The following GSDME variants were observed in gnomAD, a reference collection of about 807,000 sequenced individuals.
GSDME encodes gasdermin-E.
GSDME carries 44 observed loss-of-function variants against 47.5 expected under a neutral mutation model. The observed-to-expected ratio is 0.93, with a 90% CI of 0.73 to 1.19. The LOEUF (loss-of-function observed/expected upper bound fraction) is 1.19. GSDME is among the 50% of genes most tolerant of loss of function. The pLI is 0.00. For synonymous variants in GSDME, 258 were observed against 252.8 expected (o/e 1.02, Z -0.20); for missense variants, 663 against 604.2 (o/e 1.10, Z -1.02).
chr7:24,791,785 C>A, the GSDME span, among the ~76,000 whole-genome samples: 1 of 152,218 alleles, frequency 6.6e-6, no homozygotes, highest in Non-Finnish European at 1.5e-5. The surrounding 1 kb of genome is among the most constrained non-coding windows in gnomAD (Gnocchi z 4.8). Context: ...CGGGGATGAA[C>A]AAGGGCTGAC....
intron 7 of GSDME, 68 bp downstream of exon 7, chr7:24,708,059 A>AT: frequency 6.3e-7 from 1 of 1,598,234 alleles, no homozygotes; most frequent in Non-Finnish European, 8.6e-7. Context: ...ACACAATTCC[A>AT]TCCTGCCTCC....
Position 24,744,655 on chromosome 7 carries a change from C to T in GSDME, c.311G>A (p.Gly104Glu). ...TALGKVKLNL[G>E]GSSRVESQSS... The stretch of plus-strand genomic sequence containing the variant: ...CTGGCTCTCTACGCGGCTGCTGCCC[C>T]CCAGGTTCAGCTTGACCTTCCCCAG... The change falls in exon 3 of 10, where the codon GGG becomes GAG. Residue 104 changes from glycine (G) to glutamate (E), a missense_variant. Physicochemically the swap from Gly to Glu is moderately conservative, Grantham distance 98. Transcript: ENST00000645220. The surrounding 1 kb of genome is among the most constrained non-coding windows in gnomAD (Gnocchi z 4.5). 3 of 1,614,206 alleles carry T rather than the reference C, an allele frequency of 1.9e-6. No homozygotes were observed. Among genetic ancestry groups the T allele is most frequent in the Non-Finnish European group, 2.5e-6 (3 of 1,180,048 alleles).
In GSDME at chr7:24,724,479, C is replaced by A. The variant is rs192434166; in HGVS notation, c.405-5261G>T. The stretch of plus-strand genomic sequence containing the variant: ...AGGGCAGGCTCCTTGTTCTTCCTGG[C>A]GGGGGCGGCAACGTGAAAGCAAGAA... On this transcript the variant is annotated intron_variant, in intron 3 of 9. Transcript: ENST00000645220. This position sits in a 1 kb window ranked among gnomAD's most constrained non-coding sequence, Gnocchi z 4.8. 9.2e-4 allele frequency among the ~76,000 whole-genome samples: 140 copies of A among 152,202 alleles called. 1 individual carries two copies. Among genetic ancestry groups the A allele is most frequent in the Admixed American group, 5.7e-3 (87 of 15,290 alleles).
At position 24,710,220 on chromosome 7, in the gene GSDME, A is replaced by C. The variant is rs745745179; in HGVS notation, c.862+4T>G. ...GCCCACTACTCCTGCCCTGCTGGCA[A>C]TACCTTGCTTTAAAACACTTAATGG... On this transcript the variant is annotated splice_donor_region_variant and intron_variant, in intron 6 of 9. Coordinates refer to ENST00000645220, the MANE Select transcript of GSDME (RefSeq NM_001127453.2). 7.4e-6 allele frequency: 12 copies of C among 1,613,564 alleles called. 1 individual carries two copies. In the South Asian group the frequency reaches 1.3e-4, roughly 18 times the overall value.
At chr7:24,741,317 C>T (rs1790483944) in intron 3 of GSDME, among the ~76,000 whole-genome samples, 1 of 151,580 alleles carries the variant, frequency 6.6e-6, no homozygotes, top group Admixed American at 6.6e-5. Context: ...GCTTATTAAA[C>T]ACAAAAATGA....
intron 6 of GSDME, 30 bp downstream of exon 6, chr7:24,710,194 T>C: frequency 2.5e-6 from 4 of 1,611,772 alleles, no homozygotes; most frequent in Non-Finnish European, 3.4e-6. Context: ...GGCCCTCAAC[T>C]GCCCACTACT....
At chr7:24,746,054 G>A (rs959660813) in intron 2 of GSDME, among the ~76,000 whole-genome samples, 2 of 151,828 alleles carry the variant, frequency 1.3e-5, no homozygotes, top group East Asian at 3.9e-4. Flanking sequence ...TCCACTCACT[G>A]CCCCAACACC....
the GSDME span, among the ~76,000 whole-genome samples, chr7:24,782,356 G>C: frequency 6.6e-6 from 1 of 151,950 alleles, no homozygotes; most frequent in Non-Finnish European, 1.5e-5. Context: ...TCAGAATGAT[G>C]GTTTCCAGTT....
intron 1 of GSDME, among the ~76,000 whole-genome samples, chr7:24,755,528 T>C (rs1035017065): frequency 3.3e-5 from 5 of 152,352 alleles, no homozygotes; most frequent in African/African-American, 9.6e-5. Flanking sequence ...ACACCTCTTA[T>C]TGAGACATCT....
chr7:24,772,990 G>A, the GSDME span, among the ~76,000 whole-genome samples: 3 of 152,182 alleles, frequency 2.0e-5, no homozygotes, highest in Non-Finnish European at 2.9e-5. The surrounding 1 kb of genome is among the most constrained non-coding windows in gnomAD (Gnocchi z 4.5). Context: ...GGGTGAGGTA[G>A]ATGTAGTAGT....
At chr7:24,793,414 A>C in the GSDME span, among the ~76,000 whole-genome samples, 1 of 152,206 alleles carries the variant, frequency 6.6e-6, no homozygotes, top group Non-Finnish European at 1.5e-5. Flanking sequence ...AACTTGCTTA[A>C]ATCTTCAAAA....
the GSDME span, among the ~76,000 whole-genome samples, chr7:24,787,556 T>C: frequency 6.6e-6 from 1 of 152,172 alleles, no homozygotes; most frequent in Non-Finnish European, 1.5e-5. This position sits in a 1 kb window ranked among gnomAD's most constrained non-coding sequence, Gnocchi z 5.0. Flanking sequence ...TCACTGCTTA[T>C]GTCGATATAC....
In GSDME at chr7:24,742,193, G is replaced by A. The variant is rs1033478123; in HGVS notation, c.404+2369C>T. Among the ~76,000 whole-genome samples, 7 of 152,136 alleles carry A rather than the reference G, an allele frequency of 4.6e-5. No individual in the cohort carries two copies. The highest frequency in any genetic ancestry group is 8.8e-5 in the Non-Finnish European group (6 of 68,032). ...CACCAAGTATCCTCCCTAGGGACGCGGGTTCATGCCTCGGCCTTAACATTC... is the reference window on the plus strand; with the variant it reads ...CACCAAGTATCCTCCCTAGGGACGCAGGTTCATGCCTCGGCCTTAACATTC... On this transcript the variant is annotated intron_variant, in intron 3 of 9. Transcript: ENST00000645220. The surrounding 1 kb of genome is among the most constrained non-coding windows in gnomAD (Gnocchi z 4.4).
At chr7:24,766,282 G>A in the GSDME span, among the ~76,000 whole-genome samples, 1 of 148,470 alleles carries the variant, frequency 6.7e-6, no homozygotes, top group Non-Finnish European at 1.5e-5. The surrounding 1 kb of genome is among the most constrained non-coding windows in gnomAD (Gnocchi z 4.2). Flanking sequence ...TCCAGACCCT[G>A]CACAACACTT....
rs540044880 is a variant in GSDME at position 24,744,953 on chromosome 7, G to T, written c.212-199C>A. Among the ~76,000 whole-genome samples the T allele has an allele frequency of 2.5e-4, 20 of 79,048 alleles. No individual in the cohort carries two copies. The East Asian group carries it at 4.5e-3, about 18-fold the overall frequency. 51.9% of individuals were successfully genotyped at this position (79,048 alleles called of 152,430 possible). A position where few individuals can be genotyped will look rare whatever the true frequency, so the allele number is the denominator to read the frequency against. On this transcript the variant is annotated intron_variant, in intron 2 of 9. Coordinates refer to ENST00000645220, the MANE Select transcript of GSDME (RefSeq NM_001127453.2). The surrounding 1 kb of genome is among the most constrained non-coding windows in gnomAD (Gnocchi z 4.5). ...GTGTGTGTGTGTGTGTGTGTGTGTGGACCGCGGGCACACAGTGGACCAGTG... is the reference window on the plus strand; with the variant it reads ...GTGTGTGTGTGTGTGTGTGTGTGTGTACCGCGGGCACACAGTGGACCAGTG...
chr7:24,705,954 G>C lies in GSDME; in HGVS notation c.1183+230C>G. The C allele has an allele frequency of 1.7e-6, 1 of 596,004 alleles. No individual in the cohort carries two copies. The highest frequency in any genetic ancestry group is 1.9e-5 in the South Asian group (1 of 52,046). 36.9% of individuals were successfully genotyped at this position (596,004 alleles called of 1,614,324 possible). On this transcript the variant is annotated intron_variant, in intron 8 of 9. Transcript: ENST00000645220. This position sits in a 1 kb window ranked among gnomAD's most constrained non-coding sequence, Gnocchi z 4.1. ...CTTCCCTGGGGGAGGAGGGAGAAGG[G>C]CCCTCCGGGAGAGTAGGGAGGCTTG... is the stretch of plus-strand genomic sequence containing the variant.
chr7:24,710,344 T>C lies in GSDME; in HGVS notation c.742A>G (p.Lys248Glu). Residue 248 changes from lysine (K) to glutamate (E), a missense_variant, in exon 6 of 10, where the codon AAG (lysine) becomes GAG (glutamate). Coordinates refer to ENST00000645220, the MANE Select transcript of GSDME (RefSeq NM_001127453.2). ...RGKQGGFENK[K>E]RIDSVYLDPL... is the part of the protein sequence containing the mutation. Reference sequence around the variant, plus strand: ...TCCAGGTAGACAGAGTCAATTCTCTTCTTGTTCTCGAAGCCACCTTGCTTC... The same window carrying C: ...TCCAGGTAGACAGAGTCAATTCTCTCCTTGTTCTCGAAGCCACCTTGCTTC... 6.2e-7 allele frequency: 1 copy of C among 1,614,228 alleles called. No individual in the cohort carries two copies.
chr7:24,785,397 ATC>A, the GSDME span, among the ~76,000 whole-genome samples: 1 of 152,190 alleles, frequency 6.6e-6, no homozygotes, highest in African/African-American at 2.4e-5. Context: ...AATGATCACA[ATC>A]TCTCTTTTAA....
chr7:24,786,708 G>A, the GSDME span, among the ~76,000 whole-genome samples: 2 of 152,168 alleles, frequency 1.3e-5, no homozygotes, highest in African/African-American at 2.4e-5. This position sits in a 1 kb window ranked among gnomAD's most constrained non-coding sequence, Gnocchi z 5.5. Context: ...AGTTTGGGAT[G>A]GTGAAAAAGT....
Sources: allele counts gnomAD v4.1 joint callset (sites outside exome capture counted in the v4.1 genomes callset), GRCh38; gene constraint gnomAD v4.1.1; non-coding constraint Gnocchi (gnomAD v3.1); transcripts MANE v1.5; gene names NCBI Gene and HGNC (gene_info 2026-07-23, HGNC 2026-07-21).